Variants in MAGI2 observed in about 807,000 individuals in gnomAD.
MAGI2 encodes the protein membrane-associated guanylate kinase, WW and PDZ domain-containing protein 2.
MAGI2 carries 35 observed loss-of-function variants against 133.3 expected under a neutral mutation model. The observed-to-expected ratio is 0.26, with a 90% CI of 0.20 to 0.35. MAGI2 has a LOEUF of 0.35. Among genes scored for constraint, MAGI2 ranks in the 10% least tolerant of loss-of-function variants. MAGI2 has a pLI of 1.00. For synonymous variants in MAGI2, 729 were observed against 710.6 expected (o/e 1.03, Z -0.41); for missense variants, 1,636 against 1,863.4 (o/e 0.88, Z 2.25).
chr7:78,727,915 T>A (rs1396589135), intron 2 of MAGI2, among the ~76,000 whole-genome samples: 2 of 152,174 alleles, frequency 1.3e-5, no homozygotes, highest in African/African-American at 4.8e-5. Context: ...TATTGTCTAG[T>A]GACTGAGAGT....
intron 20 of MAGI2, among the ~76,000 whole-genome samples, chr7:78,100,558 A>T (rs6943991): frequency 3.9e-4 from 59 of 151,086 alleles, no homozygotes; most frequent in African/African-American, 1.4e-3. Flanking sequence ...CACTATGTTG[A>T]TCAGGCTGGT....
chr7:78,263,591 T>G (rs1793720638), intron 9 of MAGI2, among the ~76,000 whole-genome samples: 1 of 152,124 alleles, frequency 6.6e-6, no homozygotes, highest in Non-Finnish European at 1.5e-5. Flanking sequence ...CATAAGACAT[T>G]GCTAAATCTC....
At chr7:78,769,291 A>G (rs1292641862) in intron 2 of MAGI2, among the ~76,000 whole-genome samples, 1 of 151,996 alleles carries the variant, frequency 6.6e-6, no homozygotes, top group Non-Finnish European at 1.5e-5. Context: ...AGCCCTCCCG[A>G]AAGTCCAAAT....
chr7:79,425,047 A>C (rs4236607), intron 1 of MAGI2, among the ~76,000 whole-genome samples: 37,335 of 151,814 alleles, frequency 0.25, 6,656 homozygotes, highest in African/African-American at 0.51. Context: ...CTGGAGTTTA[A>C]GACCAGCCTG....
chr7:79,351,725 A>G (rs548878335), intron 1 of MAGI2: 2 of 152,338 alleles, frequency 1.3e-5, no homozygotes, highest in African/African-American at 4.8e-5. Context: ...AAAGATGAAC[A>G]CTTTCTAAAA....
At chr7:78,697,214 A>G (rs949567206) in intron 2 of MAGI2, among the ~76,000 whole-genome samples, 5 of 151,980 alleles carry the variant, frequency 3.3e-5, no homozygotes, top group Admixed American at 1.3e-4. Flanking sequence ...TTTGTCCTCT[A>G]CATCACTGAG....
intron 1 of MAGI2, among the ~76,000 whole-genome samples, chr7:79,150,729 T>C (rs1823135201): frequency 1.3e-5 from 2 of 152,066 alleles, no homozygotes; most frequent in Non-Finnish European, 2.9e-5. Context: ...TTTCATCAAT[T>C]CAAATATTTC....
intron 17 of MAGI2, 74 bp downstream of exon 17, chr7:78,134,947 G>T: frequency 7.4e-7 from 1 of 1,355,614 alleles, no homozygotes; most frequent in Non-Finnish European, 1.0e-6. Context: ...CGACCCTGGC[G>T]GGCAGGCTGA....
At chr7:78,077,273 G>A (rs1815423354) in intron 21 of MAGI2, among the ~76,000 whole-genome samples, 1 of 152,122 alleles carries the variant, frequency 6.6e-6, no homozygotes, top group South Asian at 2.1e-4. Flanking sequence ...AATTTCACAG[G>A]TCACTTTGAT....
intron 1 of MAGI2, among the ~76,000 whole-genome samples, chr7:79,310,869 C>T (rs112711016): frequency 0.028 from 4,316 of 152,072 alleles, 85 homozygotes; most frequent in African/African-American, 0.04. Context: ...AGCAGTACTA[C>T]ATTTACCTCT....
At chr7:78,149,982 C>T (rs1163384956) in intron 16 of MAGI2, among the ~76,000 whole-genome samples, 6 of 152,206 alleles carry the variant, frequency 3.9e-5, no homozygotes, top group African/African-American at 1.4e-4. Context: ...AGTGATCTGA[C>T]TCATCACCCA....
chr7:79,039,867 A>C (rs1277963657), intron 1 of MAGI2, among the ~76,000 whole-genome samples: 3 of 145,332 alleles, frequency 2.1e-5, no homozygotes, highest in Non-Finnish European at 4.5e-5. Flanking sequence ...ATATATATAT[A>C]ATATATATGT....
intron 1 of MAGI2, among the ~76,000 whole-genome samples, chr7:79,318,280 T>C (rs1277366211): frequency 6.6e-6 from 1 of 152,046 alleles, no homozygotes. Context: ...CACCACTTCA[T>C]ATTAATCATC....
rs547600828 is a variant in MAGI2, at chr7:78,945,220, C to A, written c.418+61870G>T. 2.5e-3 allele frequency among the ~76,000 whole-genome samples: 373 copies of A among 151,954 alleles called. 1 individual carries two copies. Among genetic ancestry groups the A allele is most frequent in the African/African-American group, 8.5e-3 (354 of 41,458 alleles). Reference sequence around the variant, plus strand: ...GGGAGCATAGGCGTGCATCCCCACACCCAGCTAATTTTTGTATTTTTAGTA... The same window carrying A: ...GGGAGCATAGGCGTGCATCCCCACAACCAGCTAATTTTTGTATTTTTAGTA... On this transcript the variant is annotated intron_variant, in intron 2 of 21. Coordinates refer to ENST00000354212, the MANE Select transcript of MAGI2 (RefSeq NM_012301.4).
chr7:78,254,875 G>A (rs1792803128), intron 10 of MAGI2: 1 of 152,148 alleles, frequency 6.6e-6, no homozygotes, highest in Non-Finnish European at 1.5e-5. Flanking sequence ...CTGAAGCTTC[G>A]ATGTTTACAC....
chr7:78,989,584 C>A (rs1277410181), intron 2 of MAGI2, among the ~76,000 whole-genome samples: 1 of 152,078 alleles, frequency 6.6e-6, no homozygotes, highest in Non-Finnish European at 1.5e-5. Flanking sequence ...CTGAATGCAT[C>A]TTTTTCTACT....
At position 78,986,895 on chromosome 7, in the gene MAGI2, G is replaced by T. The variant is rs79731005; in HGVS notation, c.418+20195C>A. On this transcript the variant is annotated intron_variant, in intron 2 of 21. Coordinates refer to ENST00000354212, the MANE Select transcript of MAGI2 (RefSeq NM_012301.4). ...CTCTTATACCATTTTCTGCTTCCAT[G>T]GTACAAAGACAATCAAGAACATACT... 8.0e-4 allele frequency among the ~76,000 whole-genome samples: 122 copies of T among 151,896 alleles called. No individual in the cohort carries two copies. In the East Asian group the frequency reaches 0.021, roughly 26 times the overall value.
intron 2 of MAGI2, among the ~76,000 whole-genome samples, chr7:78,776,312 T>C (rs944734182): frequency 3.3e-5 from 5 of 152,218 alleles, no homozygotes; most frequent in African/African-American, 4.8e-5. Context: ...ATTCTAGTTT[T>C]ACAGAGCTCC....
chr7:78,304,110 A>T (rs1326051891), intron 9 of MAGI2, among the ~76,000 whole-genome samples: 4 of 152,168 alleles, frequency 2.6e-5, no homozygotes. Context: ...TGTCAATTTT[A>T]CCTTCAAAAA....
Sources: gnomAD v4.1 joint callset for allele counts (sites outside exome capture counted in the v4.1 genomes callset) on GRCh38, gnomAD v4.1.1 for gene constraint, MANE v1.5 for transcripts, NCBI Gene and HGNC (gene_info 2026-07-23, HGNC 2026-07-21) for gene names.